Variants in NARS2 observed in about 807,000 individuals in gnomAD.
NARS2 encodes the protein asparaginyl-tRNA synthetase.
A neutral mutation model predicts 62.9 loss-of-function variants in NARS2; 60 were observed. The ratio of observed to expected loss-of-function variants is 0.95; its 90% CI spans 0.77 to 1.18. NARS2 has a LOEUF of 1.18. Among genes scored for constraint, NARS2 ranks in the 50% most tolerant of loss-of-function variants. NARS2 has a pLI of 0.00. For synonymous variants in NARS2, 196 were observed against 200.0 expected (o/e 0.98, Z 0.17); for missense variants, 619 against 576.4 (o/e 1.07, Z -0.76).
intron 5 of NARS2, among the ~76,000 whole-genome samples, chr11:78,554,959 A>C (rs991910506): frequency 6.6e-5 from 10 of 152,104 alleles, no homozygotes; most frequent in African/African-American, 2.4e-4. Context: ...TAGTTTATTG[A>C]GAGTTTTTAA....
At chr11:78,476,252 G>C (rs1190365783) in intron 9 of NARS2, among the ~76,000 whole-genome samples, 1 of 152,214 alleles carries the variant, frequency 6.6e-6, no homozygotes, top group Non-Finnish European at 1.5e-5. Context: ...TCCGTGTACT[G>C]GTTGCTGTGA....
chr11:78,574,338 A>G lies in NARS2; in HGVS notation c.141+10T>C, dbSNP rs761260224. 43 of 1,614,104 alleles carry G rather than the reference A, an allele frequency of 2.7e-5. No individual in the cohort carries two copies. Among genetic ancestry groups the G allele is most frequent in the Non-Finnish European group, 3.3e-5 (39 of 1,180,006 alleles). Reference sequence around the variant, plus strand: ...ACAAGAAAAAACCCACTCCCTTCCCATTCACCAACCTGGATCTTAATGCGC... The same window carrying G: ...ACAAGAAAAAACCCACTCCCTTCCCGTTCACCAACCTGGATCTTAATGCGC... On this transcript the variant is annotated intron_variant, in intron 1 of 13. Transcript: ENST00000281038.
intron 7 of NARS2, among the ~76,000 whole-genome samples, chr11:78,480,787 C>T (rs188076630): frequency 1.1e-4 from 17 of 151,124 alleles, no homozygotes; most frequent in South Asian, 6.3e-4. Flanking sequence ...TTCTAAGGAT[C>T]TTGTATCCTA....
intron 9 of NARS2, among the ~76,000 whole-genome samples, chr11:78,471,526 T>TC (rs1858872815): frequency 6.6e-6 from 1 of 151,986 alleles, no homozygotes; most frequent in South Asian, 2.1e-4. Context: ...CTATCTTTTT[T>TC]TTTCTTTTTT....
At chr11:78,463,713 C>CAAAAAAAAAAAAAAAAAA (rs10649252) in intron 11 of NARS2, among the ~76,000 whole-genome samples, 2 of 47,974 alleles carry the variant, frequency 4.2e-5, no homozygotes, top group African/African-American at 8.0e-5. Context: ...TAGTTAAGGT[C>CAAAAAAAAAAAAAAAAAA]AAAAAAAAAA....
intron 5 of NARS2, among the ~76,000 whole-genome samples, chr11:78,540,032 G>A (rs1590834343): frequency 6.6e-6 from 1 of 152,160 alleles, no homozygotes; most frequent in African/African-American, 2.4e-5. Context: ...AACAGTCCAT[G>A]ATAGACTAAC....
chr11:78,528,252 T>C (rs1590817431), intron 6 of NARS2, among the ~76,000 whole-genome samples: 1 of 152,098 alleles, frequency 6.6e-6, no homozygotes, highest in East Asian at 1.9e-4. Context: ...AAATGGGAAT[T>C]ACCCACAGAA....
chr11:78,463,947 G>A (rs1434511800), intron 11 of NARS2, among the ~76,000 whole-genome samples: 2 of 152,166 alleles, frequency 1.3e-5, no homozygotes, highest in African/African-American at 4.8e-5. Context: ...TTGCCTGATT[G>A]TGCAGTGTCC....
At chr11:78,548,516 TAGAGA>T (rs1373111458) in intron 5 of NARS2, among the ~76,000 whole-genome samples, 1 of 152,232 alleles carries the variant, frequency 6.6e-6, no homozygotes, top group African/African-American at 2.4e-5. Context: ...CACAACAGTT[TAGAGA>T]AGAGAAATGC....
chr11:78,571,235 G>C (rs1856910103), intron 2 of NARS2, 100 bp downstream of exon 2: 8 of 690,476 alleles, frequency 1.2e-5, no homozygotes, highest in Middle Eastern at 2.5e-4. Context: ...TGTTTCAAAA[G>C]ATTACTCAGG....
chr11:78,487,393 G>A (rs1859627946), intron 7 of NARS2, among the ~76,000 whole-genome samples: 1 of 150,546 alleles, frequency 6.6e-6, no homozygotes. Context: ...AAGAGAGAGA[G>A]AGAGAAAGAA....
At chr11:78,486,166 C>T (rs1008270965) in intron 7 of NARS2, among the ~76,000 whole-genome samples, 3 of 151,992 alleles carry the variant, frequency 2.0e-5, no homozygotes, top group Non-Finnish European at 4.4e-5. Flanking sequence ...TGAGCCACTG[C>T]ACCCAGCCTA....
intron 5 of NARS2, among the ~76,000 whole-genome samples, chr11:78,535,546 A>C (rs1470298475): frequency 6.6e-6 from 1 of 152,126 alleles, no homozygotes; most frequent in Non-Finnish European, 1.5e-5. Context: ...TATTGCAACA[A>C]AGATTTTAAT....
intron 6 of NARS2, among the ~76,000 whole-genome samples, chr11:78,525,892 T>C (rs1281892614): frequency 6.6e-6 from 1 of 152,042 alleles, no homozygotes; most frequent in Admixed American, 6.5e-5. Context: ...TCTTTCAAAA[T>C]ACCCAAATAA....
chr11:78,574,664 C>G lies in NARS2; in HGVS notation c.-176G>C. Reference sequence around the variant, plus strand: ...TTCAGGACTCCCAGCTCTGTCCCCACAGAACCTCTCCGCTTCCCACTTCCC... The same window carrying G: ...TTCAGGACTCCCAGCTCTGTCCCCAGAGAACCTCTCCGCTTCCCACTTCCC... On this transcript the variant is annotated 5_prime_UTR_variant, in exon 1 of 14. Transcript: ENST00000281038. The G allele has an allele frequency of 1.5e-6, 1 of 652,214 alleles. No homozygotes were observed. The highest frequency in any genetic ancestry group is 2.9e-5 in the East Asian group (1 of 34,742). 40.4% of individuals were successfully genotyped at this position (652,214 alleles called of 1,614,324 possible).
chr11:78,543,268 AT>A (rs1461169093), intron 5 of NARS2, among the ~76,000 whole-genome samples: 4 of 152,248 alleles, frequency 2.6e-5, no homozygotes, highest in African/African-American at 9.6e-5. Flanking sequence ...GATTCACATC[AT>A]TTTTTGAGAT....
intron 11 of NARS2, among the ~76,000 whole-genome samples, chr11:78,453,217 T>C (rs1858035492): frequency 6.6e-6 from 1 of 152,184 alleles, no homozygotes; most frequent in Admixed American, 6.5e-5. Context: ...CTCTATTCCT[T>C]AACAAAACCA....
intron 6 of NARS2, among the ~76,000 whole-genome samples, chr11:78,524,365 G>C (rs1309277227): frequency 7.2e-6 from 1 of 139,560 alleles, no homozygotes; most frequent in Non-Finnish European, 1.6e-5. Context: ...TATTCCTCTA[G>C]AAAAACTGTA....
At chr11:78,497,142 T>C (rs1860091294) in intron 6 of NARS2, among the ~76,000 whole-genome samples, 1 of 149,792 alleles carries the variant, frequency 6.7e-6, no homozygotes, top group African/African-American at 2.5e-5. Context: ...GGAAAATCCA[T>C]GAGCTTGGAG....
Sources: allele counts gnomAD v4.1 joint callset (sites outside exome capture counted in the v4.1 genomes callset), GRCh38; gene constraint gnomAD v4.1.1; transcripts MANE v1.5; gene names NCBI Gene and HGNC (gene_info 2026-07-23, HGNC 2026-07-21).